Variants in CKAP5 observed in about 807,000 individuals in gnomAD.
The protein encoded by CKAP5 is cytoskeleton associated protein 5.
CKAP5 carries 27 observed loss-of-function variants against 232.8 expected under a neutral mutation model. The observed-to-expected ratio is 0.12, with a 90% CI of 0.09 to 0.16. CKAP5 has a LOEUF of 0.16. CKAP5 is among the 10% of genes least tolerant of loss of function. The pLI is 1.00. For synonymous variants in CKAP5, 785 were observed against 841.1 expected, an observed-to-expected ratio of 0.93 and a Z score of 1.16; for missense variants, 1,838 against 2,424.7, an observed-to-expected ratio of 0.76 and a Z score of 5.08.
chr11:46,800,844 A>G (rs1378760386), intron 9 of CKAP5, among the ~76,000 whole-genome samples: 3 of 152,164 alleles, frequency 2.0e-5, no homozygotes, highest in Non-Finnish European at 2.9e-5. Flanking sequence ...TCTCATTTTC[A>G]TTCTGGTCCT....
chr11:46,808,168 T>A, intron 7 of CKAP5, 24 bp from the exon 8 acceptor site: 1 of 1,398,720 alleles, frequency 7.1e-7, no homozygotes, highest in Non-Finnish European at 1.0e-6. Context: ...TATGAGTCAT[T>A]TGTAACAGGA....
At chr11:46,776,668 A>G (rs2065293638) in intron 23 of CKAP5, among the ~76,000 whole-genome samples, 1 of 152,194 alleles carries the variant, frequency 6.6e-6, no homozygotes. Flanking sequence ...AATAACTCTT[A>G]TATTTTGTTT....
rs147353367 is a variant in CKAP5, at chr11:46,836,263, G to C, written c.-38+9957C>G. Among the ~76,000 whole-genome samples the C allele has an allele frequency of 7.3e-3, 1,105 of 152,244 alleles. 7 individuals carry two copies. Among genetic ancestry groups the C allele is most frequent in the Non-Finnish European group, 9.4e-3 (638 of 68,010 alleles). ...TAATAACAGGGCACACTGGGTGAGAGGTATGCAGGAATCCTACACATCATC... is the reference window on the plus strand; with the variant it reads ...TAATAACAGGGCACACTGGGTGAGACGTATGCAGGAATCCTACACATCATC... On this transcript the variant is annotated intron_variant, in intron 1 of 43. Coordinates refer to ENST00000529230, the MANE Select transcript of CKAP5 (RefSeq NM_001008938.4).
chr11:46,832,585 T>C (rs1939816538), intron 1 of CKAP5, among the ~76,000 whole-genome samples: 1 of 152,158 alleles, frequency 6.6e-6, no homozygotes, highest in South Asian at 2.1e-4. Flanking sequence ...TGCTCCCTAT[T>C]TAACACACAC....
rs911257486 is a variant in CKAP5, at chr11:46,743,247, C to T, written c.*776G>A. ...TTGGTCAGCAAAGTGGTAGGATGCCCAAGAGCTTCTTGAAACGACTGGTGA... is the reference window on the plus strand; with the variant it reads ...TTGGTCAGCAAAGTGGTAGGATGCCTAAGAGCTTCTTGAAACGACTGGTGA... On this transcript the variant is annotated 3_prime_UTR_variant, in exon 44 of 44. Coordinates refer to ENST00000529230, the MANE Select transcript of CKAP5 (RefSeq NM_001008938.4). 2.0e-5 allele frequency: 3 copies of T among 152,130 alleles called. No homozygotes were observed. Among genetic ancestry groups the T allele is most frequent in the African/African-American group, 7.2e-5 (3 of 41,438 alleles). The allele number at this position is 152,130 out of a possible 1,614,324, so 9.4% of individuals were successfully genotyped here.
At chr11:46,789,902 A>T (rs1451930724) in intron 15 of CKAP5, among the ~76,000 whole-genome samples, 174 bp downstream of exon 15, 1 of 152,226 alleles carries the variant, frequency 6.6e-6, no homozygotes, top group East Asian at 1.9e-4. Context: ...ATGTTTAAAG[A>T]TAGCAAACAC....
rs371548527 is a variant in CKAP5, at chr11:46,809,911, T to C, written c.631-37A>G. The C allele has an allele frequency of 9.6e-6, 15 of 1,565,226 alleles. No homozygotes were observed. In the African/African-American group the frequency reaches 1.8e-4, roughly 19 times the overall value. On this transcript the variant is annotated intron_variant, in intron 5 of 43. Transcript: ENST00000529230. The stretch of plus-strand genomic sequence containing the variant: ...ATATAATATTTAAATAATATCTGCA[T>C]CTCCACCATTAGTTAACATACTTAA...
chr11:46,816,075 ACCCCCCCAT>A, intron 4 of CKAP5, 114 bp downstream of exon 4: 1 of 727,184 alleles, frequency 1.4e-6, no homozygotes, highest in Non-Finnish European at 2.3e-6. Flanking sequence ...TCTCAAAACG[ACCCCCCCAT>A]CCCCCCAACA....
At chr11:46,765,907 T>C (rs541178263) in intron 27 of CKAP5, among the ~76,000 whole-genome samples, 20 of 152,344 alleles carry the variant, frequency 1.3e-4, no homozygotes, top group African/African-American at 4.8e-4. Flanking sequence ...AACACTTAGT[T>C]TGAAAGCTTT....
intron 35 of CKAP5, among the ~76,000 whole-genome samples, chr11:46,756,232 C>A (rs976183102): frequency 6.6e-6 from 1 of 152,196 alleles, no homozygotes; most frequent in Admixed American, 6.5e-5. Context: ...TTCCTCTTCA[C>A]CATTATCATC....
At chr11:46,773,899 A>G (rs1264292367) in intron 24 of CKAP5, among the ~76,000 whole-genome samples, 2 of 152,008 alleles carry the variant, frequency 1.3e-5, no homozygotes, top group Non-Finnish European at 2.9e-5. Context: ...TTTATGACAA[A>G]CCCACAGCCA....
At chr11:46,797,293 G>A (rs895264064) in intron 11 of CKAP5, among the ~76,000 whole-genome samples, 1 of 152,068 alleles carries the variant, frequency 6.6e-6, no homozygotes, top group African/African-American at 2.4e-5. Flanking sequence ...CTTGAGCCTA[G>A]GAGGCAGAGG....
In CKAP5 at chr11:46,834,289, C is replaced by T. The variant is rs537630358; in HGVS notation, c.-38+11931G>A. Among the ~76,000 whole-genome samples the T allele has an allele frequency of 4.6e-5, 7 of 152,054 alleles. No homozygotes were observed. The South Asian group carries it at 1.5e-3, about 32-fold the overall frequency. On this transcript the variant is annotated intron_variant, in intron 1 of 43. Transcript: ENST00000529230. Reference sequence around the variant, plus strand: ...ATCCCAGCACTTTGGGAGGCCAAGACGGGCAGATCACTTGAGATCAGGAGT... The same window carrying T: ...ATCCCAGCACTTTGGGAGGCCAAGATGGGCAGATCACTTGAGATCAGGAGT...
chr11:46,810,332 A>ATTCT (rs1386550127), intron 5 of CKAP5, among the ~76,000 whole-genome samples: 1 of 152,002 alleles, frequency 6.6e-6, no homozygotes, highest in Non-Finnish European at 1.5e-5. Context: ...TCATTCATTC[A>ATTCT]TTGAGAGACA....
chr11:46,767,471 G>T, intron 27 of CKAP5, 104 bp downstream of exon 27: 1 of 647,934 alleles, frequency 1.5e-6, no homozygotes, highest in East Asian at 2.8e-5. Flanking sequence ...ATCAACAGCA[G>T]TGATGTTCTT....
At chr11:46,794,475 G>A (rs1938819481) in intron 13 of CKAP5, among the ~76,000 whole-genome samples, 1 of 148,570 alleles carries the variant, frequency 6.7e-6, no homozygotes, top group Non-Finnish European at 1.5e-5. Flanking sequence ...TCAAAAATGG[G>A]CAAAGAACTT....
chr11:46,750,968 G>A (rs1182798037), intron 40 of CKAP5, 150 bp downstream of exon 40: 1 of 892,838 alleles, frequency 1.1e-6, no homozygotes, highest in South Asian at 1.7e-5. Flanking sequence ...GGTGGAAATG[G>A]TTACTGCACC....
At chr11:46,797,084 A>C in intron 11 of CKAP5, 144 bp from the exon 12 acceptor site, 2 of 905,142 alleles carry the variant, frequency 2.2e-6, no homozygotes, top group Non-Finnish European at 3.3e-6. Context: ...GTGCCAATTG[A>C]CAGTTACTCT....
rs566080226 is a variant in CKAP5, at chr11:46,798,163, T to C, written c.1093A>G (p.Thr365Ala). Residue 365 changes from threonine to alanine, a missense_variant, in exon 10 of 44, where the codon ACC becomes GCC. Physicochemically the swap from Thr to Ala is moderately conservative, Grantham distance 58. This residue lies in a region of CKAP5 where 97 missense variants were observed against 167.7 expected (regional missense o/e 0.58). Coordinates refer to ENST00000529230, the MANE Select transcript of CKAP5 (RefSeq NM_001008938.4). ...TTCTCTTTGAATTTCTCCAAGATGG[T>C]TGGCACAACCTGTAAAAGTGAATGG... ...FGQYAGHVVP[T>A]ILEKFKEKKP... 3.0e-5 allele frequency: 49 copies of C among 1,613,260 alleles called. 1 individual carries two copies. The South Asian group carries it at 3.6e-4, about 12-fold the overall frequency.
Sources: gnomAD v4.1 joint callset for allele counts (sites outside exome capture counted in the v4.1 genomes callset) on GRCh38, gnomAD v4.1.1 for gene constraint, gnomAD v4.1.1 regional missense constraint, MANE v1.5 for transcripts, NCBI Gene and HGNC (gene_info 2026-07-23, HGNC 2026-07-21) for gene names.